The following TRMT44 variants were observed in gnomAD, a reference collection of about 807,000 sequenced individuals.
The protein encoded by TRMT44 is probable tRNA (uracil-O(2)-)-methyltransferase.
TRMT44 carries 78 observed loss-of-function variants against 77.3 expected under a neutral mutation model. The observed-to-expected ratio is 1.01, with a 90% CI of 0.84 to 1.22. The LOEUF (loss-of-function observed/expected upper bound fraction) is 1.22. TRMT44 is among the 50% of genes most tolerant of loss of function. The pLI, the probability that TRMT44 is intolerant of heterozygous loss-of-function variation, is 0.00. For synonymous variants in TRMT44, 391 were observed against 383.3 expected, an observed-to-expected ratio of 1.02 and a Z score of -0.23; for missense variants, 1,090 against 964.4, an observed-to-expected ratio of 1.13 and a Z score of -1.73.
At chr4:8,469,069 CCTT>C (rs1381723660) in intron 9 of TRMT44, among the ~76,000 whole-genome samples, 9 of 152,352 alleles carry the variant, frequency 5.9e-5, no homozygotes, top group African/African-American at 4.8e-5. Context: ...TGAGGGAAAC[CCTT>C]CTTCTCCAGG....
At position 8,451,863 on chromosome 4, in the gene TRMT44, G is replaced by C; in HGVS notation, c.955-97G>C. The C allele has an allele frequency of 1.9e-6, 2 of 1,078,612 alleles. No homozygotes were observed. Among genetic ancestry groups the C allele is most frequent in the South Asian group, 2.7e-5 (2 of 74,096 alleles). The allele number at this position is 1,078,612 out of a possible 1,614,324, so 66.8% of individuals were successfully genotyped here. A position where few individuals can be genotyped will look rare whatever the true frequency, so the allele number is the denominator to read the frequency against. ...TGTTTCCTATTTTAGTGTACGATTA[G>C]TCCAGTTTGATTTATGCTTTATAGG... On this transcript the variant is annotated intron_variant, in intron 3 of 10. Coordinates refer to ENST00000389737, the MANE Select transcript of TRMT44 (RefSeq NM_152544.3). The surrounding 1 kb of genome is among the most constrained non-coding windows in gnomAD (Gnocchi z 4.1).
chr4:8,460,326 T>G (rs1726065040), intron 6 of TRMT44, among the ~76,000 whole-genome samples: 1 of 151,898 alleles, frequency 6.6e-6, no homozygotes. Flanking sequence ...GATGAAAAAA[T>G]GTTGACTTTT....
chr4:8,446,664 G>C lies in TRMT44; in HGVS notation c.734+74G>C. 1 of 1,084,852 alleles carries C rather than the reference G, an allele frequency of 9.2e-7. No homozygotes were observed. Among genetic ancestry groups the C allele is most frequent in the Non-Finnish European group, 1.3e-6 (1 of 756,698 alleles). The allele number at this position is 1,084,852 out of a possible 1,614,324, so 67.2% of individuals were successfully genotyped here. A position where few individuals can be genotyped will look rare whatever the true frequency, so the allele number is the denominator to read the frequency against. Reference sequence around the variant, plus strand: ...TTCTTTAGGTAGCCAAAGGATTCTGGGTTGCCAGGGCTTAAGGTCCTGTCT... The same window carrying C: ...TTCTTTAGGTAGCCAAAGGATTCTGCGTTGCCAGGGCTTAAGGTCCTGTCT... On this transcript the variant is annotated intron_variant, in intron 2 of 10. Coordinates refer to ENST00000389737, the MANE Select transcript of TRMT44 (RefSeq NM_152544.3). This position sits in a 1 kb window ranked among gnomAD's most constrained non-coding sequence, Gnocchi z 4.3.
chr4:8,468,387 CA>C, intron 9 of TRMT44, 41 bp downstream of exon 9: 3 of 1,593,874 alleles, frequency 1.9e-6, no homozygotes, highest in Middle Eastern at 3.3e-4. Flanking sequence ...AGCACGCTCC[CA>C]GGCTTGAGGG....
At chr4:8,512,532 C>G in the TRMT44 span, 1 of 152,222 alleles carries the variant, frequency 6.6e-6, no homozygotes, top group African/African-American at 2.4e-5. Flanking sequence ...ACAACATTGA[C>G]TTTATGTGTA....
rs759797431 is a variant in TRMT44, at chr4:8,465,464, C to T, written c.1397C>T (p.Thr466Ile). 1.2e-6 allele frequency: 2 copies of T among 1,614,188 alleles called. No individual in the cohort carries two copies. The highest frequency in any genetic ancestry group is 1.7e-6 in the Non-Finnish European group (2 of 1,180,036). The change falls in exon 8 of 11, where the codon ACT (threonine) becomes ATT (isoleucine). Residue 466 changes from threonine to isoleucine, a missense_variant. Physicochemically the swap from Thr to Ile is moderately conservative, Grantham distance 89. Transcript: ENST00000389737. The stretch of plus-strand genomic sequence containing the variant: ...TACTCCCGGAGGCAGAGTAAGAAGA[C>T]TCAGTACCGGGAATACCTTGACTTC... ...GRYSRRQSKK[T>I]QYREYLDFIK...
At chr4:8,459,423 C>T (rs1005967596) in intron 6 of TRMT44, among the ~76,000 whole-genome samples, 2 of 152,136 alleles carry the variant, frequency 1.3e-5, no homozygotes, top group Admixed American at 6.5e-5. Flanking sequence ...ATTTTACAGG[C>T]GAGGAAACCG....
At chr4:8,513,721 G>A in the TRMT44 span, among the ~76,000 whole-genome samples, 1 of 152,094 alleles carries the variant, frequency 6.6e-6, no homozygotes, top group African/African-American at 2.4e-5. Context: ...AATGGATAAA[G>A]GTTTTTAAAA....
chr4:8,473,982 C>T (rs781430689), intron 10 of TRMT44, among the ~76,000 whole-genome samples: 1 of 152,214 alleles, frequency 6.6e-6, no homozygotes, highest in Non-Finnish European at 1.5e-5. Context: ...CCTTAGACAC[C>T]CTGCAGGTCC....
intron 8 of TRMT44, among the ~76,000 whole-genome samples, chr4:8,466,399 G>T (rs1434020624): frequency 1.3e-5 from 2 of 152,236 alleles, no homozygotes; most frequent in Non-Finnish European, 2.9e-5. Flanking sequence ...TGTGGGGGCT[G>T]GACAGGATGA....
rs1370097578 is a variant in TRMT44, at chr4:8,440,800, G to T, written c.-23G>T. 2.1e-6 allele frequency: 3 copies of T among 1,418,744 alleles called. No homozygotes were observed. The East Asian group carries it at 8.5e-5, about 40-fold the overall frequency. 87.9% of individuals were successfully genotyped at this position (1,418,744 alleles called of 1,614,324 possible). A position where few individuals can be genotyped will look rare whatever the true frequency, so the allele number is the denominator to read the frequency against. On this transcript the variant is annotated 5_prime_UTR_variant, in exon 1 of 11. The change creates a new upstream start codon in the 5' untranslated region. Coordinates refer to ENST00000389737, the MANE Select transcript of TRMT44 (RefSeq NM_152544.3). ...GCGTCATCTCGGCGCGCCGCTGCCA[G>T]GGCTGTACACCTGCTGGCTGCCATG...
At chr4:8,478,191 G>A (rs1727484701), downstream of TRMT44, 1 of 152,910 alleles carries the variant, frequency 6.5e-6, no homozygotes, top group Non-Finnish European at 1.5e-5. Context: ...TGGAGCTGCA[G>A]TCCTGGTGAG....
chr4:8,460,560 C>T (rs1055928047), intron 6 of TRMT44, among the ~76,000 whole-genome samples: 1 of 134,130 alleles, frequency 7.5e-6, no homozygotes, highest in Non-Finnish European at 1.6e-5. Context: ...TTCTGTTGGC[C>T]TCACTCTTTT....
Position 8,471,147 on chromosome 4 carries a change from G to A in TRMT44, c.1991G>A (p.Arg664Gln), listed in dbSNP as rs144554065. ...LDTETLRRLK[R>Q]ECGGLQTLLR... is the part of the protein sequence containing the mutation. ...ACGGAGACCCTGCGGAGGCTGAAGC[G>A]GGAGTGTGGGGGCCTGCAGACGCTG... Residue 664 changes from arginine (R) to glutamine (Q), a missense_variant, in exon 10 of 11, where the codon CGG becomes CAG. Coordinates refer to ENST00000389737, the MANE Select transcript of TRMT44 (RefSeq NM_152544.3). 1.5e-4 allele frequency: 234 copies of A among 1,610,664 alleles called. No homozygotes were observed. In the Middle Eastern group the frequency reaches 2.3e-3, roughly 16 times the overall value.
Position 8,451,872 on chromosome 4 carries a change from G to C in TRMT44, c.955-88G>C. 8.2e-7 allele frequency: 1 copy of C among 1,219,306 alleles called. No individual in the cohort carries two copies. Among genetic ancestry groups the C allele is most frequent in the Non-Finnish European group, 1.2e-6 (1 of 859,280 alleles). 75.5% of individuals were successfully genotyped at this position (1,219,306 alleles called of 1,614,324 possible). A position where few individuals can be genotyped will look rare whatever the true frequency, so the allele number is the denominator to read the frequency against. ...TTTTAGTGTACGATTAGTCCAGTTT[G>C]ATTTATGCTTTATAGGGATACTTAA... On this transcript the variant is annotated intron_variant, in intron 3 of 10. Transcript: ENST00000389737. This position sits in a 1 kb window ranked among gnomAD's most constrained non-coding sequence, Gnocchi z 4.1.
At chr4:8,453,407 G>T (rs12500106) in intron 5 of TRMT44, 4,002 of 153,528 alleles carry the variant, frequency 0.026, 93 homozygotes, top group African/African-American at 0.066. Flanking sequence ...GGCCGAGGCG[G>T]GTGGATCACT....
chr4:8,514,781 C>T, the TRMT44 span, among the ~76,000 whole-genome samples: 1 of 152,122 alleles, frequency 6.6e-6, no homozygotes, highest in Admixed American at 6.5e-5. Flanking sequence ...GGTTTTGATA[C>T]TTTCTCTAAA....
chr4:8,449,603 AATAG>A, intron 2 of TRMT44, 62 bp from the exon 3 acceptor site: 3 of 1,272,928 alleles, frequency 2.4e-6, no homozygotes, highest in East Asian at 2.6e-5. Context: ...TAGGTAAATA[AATAG>A]ATAATTTTAA....
At chr4:8,493,146 A>T (rs77854960) in intron 2 of TRMT44, 3 of 152,150 alleles carry the variant, frequency 2.0e-5, no homozygotes, top group African/African-American at 7.2e-5. Flanking sequence ...AGGACTAACA[A>T]ATTTGCCATG....
Sources: allele counts gnomAD v4.1 joint callset (sites outside exome capture counted in the v4.1 genomes callset), GRCh38; gene constraint gnomAD v4.1.1; non-coding constraint Gnocchi (gnomAD v3.1); transcripts MANE v1.5; gene names NCBI Gene and HGNC (gene_info 2026-07-23, HGNC 2026-07-21).